CLASP2: variants seen among roughly 807,000 people sequenced by gnomAD.
The protein encoded by CLASP2 is CLIP-associating protein 2.
CLASP2 carries 47 observed loss-of-function variants against 194.4 expected under a neutral mutation model. That is an observed-to-expected ratio of 0.24 (90% CI 0.19 to 0.31). The LOEUF (loss-of-function observed/expected upper bound fraction) is 0.31. CLASP2 is among the 10% of genes least tolerant of loss of function. The pLI, the probability that CLASP2 is intolerant of heterozygous loss-of-function variation, is 1.00. For synonymous variants in CLASP2, 619 were observed against 633.5 expected, an observed-to-expected ratio of 0.98 and a Z score of 0.34; for missense variants, 1,445 against 1,823.6, an observed-to-expected ratio of 0.79 and a Z score of 3.78.
At chr3:33,542,809 T>C (rs2058588589) in intron 32 of CLASP2, among the ~76,000 whole-genome samples, 1 of 152,124 alleles carries the variant, frequency 6.6e-6, no homozygotes, top group Non-Finnish European at 1.5e-5. Flanking sequence ...TAGTATAATG[T>C]AATTGAAAGA....
At chr3:33,622,330 AAAG>A (rs752280033) in intron 10 of CLASP2, 50 bp from the exon 11 acceptor site, 11 of 1,381,234 alleles carry the variant, frequency 8.0e-6, no homozygotes, top group Non-Finnish European at 9.5e-6. Context: ...AGTGCAAAAA[AAAG>A]AAGCTACCTA....
chr3:33,717,261 G>T (rs1371410652), intron 1 of CLASP2, among the ~76,000 whole-genome samples: 1 of 151,848 alleles, frequency 6.6e-6, no homozygotes, highest in Non-Finnish European at 1.5e-5. Flanking sequence ...CAAAATAAGT[G>T]ATCAACATTG....
At chr3:33,570,668 T>C in intron 26 of CLASP2, 59 bp downstream of exon 26, 2 of 1,562,694 alleles carry the variant, frequency 1.3e-6, no homozygotes, top group South Asian at 2.4e-5. Context: ...GTTTTTCTGC[T>C]TTGACAATAT....
chr3:33,622,669 C>T (rs2077297159), intron 10 of CLASP2, among the ~76,000 whole-genome samples: 1 of 151,986 alleles, frequency 6.6e-6, no homozygotes. Flanking sequence ...CTATTTTAAC[C>T]ATTTTAAAGT....
At chr3:33,657,622 T>C (rs1211085988) in intron 7 of CLASP2, among the ~76,000 whole-genome samples, 6 of 151,722 alleles carry the variant, frequency 4.0e-5, no homozygotes, top group African/African-American at 1.5e-4. Context: ...AACTTGGCAA[T>C]GCCCTTAAGT....
intron 34 of CLASP2, among the ~76,000 whole-genome samples, chr3:33,531,602 C>T (rs1270890518): frequency 6.6e-6 from 1 of 152,104 alleles, no homozygotes; most frequent in Non-Finnish European, 1.5e-5. Flanking sequence ...ATGGACAAAC[C>T]CCGTCTCTAC....
chr3:33,516,844 C>T (rs1213243303), intron 35 of CLASP2, 137 bp downstream of exon 35: 2 of 739,938 alleles, frequency 2.7e-6, no homozygotes, highest in Non-Finnish European at 4.4e-6. Flanking sequence ...AAGTACTTCA[C>T]AGTGAAAAGT....
intron 12 of CLASP2, among the ~76,000 whole-genome samples, chr3:33,617,387 T>C (rs1366376420): frequency 2.0e-5 from 3 of 152,148 alleles, no homozygotes; most frequent in Non-Finnish European, 2.9e-5. Flanking sequence ...ACTGGCTCAA[T>C]TGGCTTTGTA....
intron 30 of CLASP2, among the ~76,000 whole-genome samples, chr3:33,549,312 A>C (rs1475772595): frequency 1.3e-5 from 2 of 152,134 alleles, no homozygotes; most frequent in African/African-American, 4.8e-5. Flanking sequence ...TATGGTGGTG[A>C]ATCGATTACT....
chr3:33,675,229 C>A (rs1184989266), intron 6 of CLASP2, among the ~76,000 whole-genome samples: 12 of 151,686 alleles, frequency 7.9e-5, no homozygotes, highest in African/African-American at 2.9e-4. Flanking sequence ...CATCAAAAAG[C>A]TTATCCACCA....
intron 34 of CLASP2, among the ~76,000 whole-genome samples, chr3:33,522,126 C>T (rs1000500009): frequency 1.3e-5 from 2 of 152,164 alleles, no homozygotes; most frequent in Non-Finnish European, 2.9e-5. Flanking sequence ...TGCACCTTTC[C>T]TCACTATTGC....
intron 23 of CLASP2, among the ~76,000 whole-genome samples, chr3:33,581,418 T>A (rs1362494236): frequency 6.6e-6 from 1 of 152,232 alleles, no homozygotes; most frequent in African/African-American, 2.4e-5. Flanking sequence ...CTAAGTTAAA[T>A]GATCTAAGCT....
At chr3:33,644,642 G>T in intron 8 of CLASP2, 115 bp downstream of exon 8, 1 of 1,109,484 alleles carries the variant, frequency 9.0e-7, no homozygotes, top group South Asian at 1.4e-5. Context: ...ACAGACTCCA[G>T]ATCTGCAATC....
At chr3:33,664,793 T>C (rs943739676) in intron 6 of CLASP2, among the ~76,000 whole-genome samples, 2 of 152,102 alleles carry the variant, frequency 1.3e-5, no homozygotes, top group African/African-American at 4.8e-5. Flanking sequence ...AGCATTGGAA[T>C]TGGAGGCTGG....
intron 34 of CLASP2, among the ~76,000 whole-genome samples, chr3:33,530,981 C>G: frequency 6.6e-6 from 1 of 152,128 alleles, no homozygotes; most frequent in East Asian, 1.9e-4. Flanking sequence ...AAAAATTATC[C>G]TAAAATTCAT....
Position 33,593,170 on chromosome 3 carries a change from C to A in CLASP2, c.1967-674G>T, listed in dbSNP as rs185077927. 2.8e-3 allele frequency among the ~76,000 whole-genome samples: 429 copies of A among 152,282 alleles called. 1 individual carries two copies. The highest frequency in any genetic ancestry group is 9.8e-3 in the African/African-American group (409 of 41,554). On this transcript the variant is annotated intron_variant, in intron 20 of 38. Coordinates refer to ENST00000682230, the MANE Select transcript of CLASP2 (RefSeq NM_001365631.1). The stretch of plus-strand genomic sequence containing the variant: ...TACCACTCTGCCTCATTCCCCTCCA[C>A]AAAACTAGGCCACAAACATCCTCAC...
intron 37 of CLASP2, 147 bp downstream of exon 37, chr3:33,510,411 G>C: frequency 1.4e-6 from 1 of 697,816 alleles, no homozygotes; most frequent in Non-Finnish European, 2.4e-6. Flanking sequence ...ATAACCCCCT[G>C]GCTAGTTATG....
chr3:33,665,137 T>G (rs1255704489), intron 6 of CLASP2, among the ~76,000 whole-genome samples: 2 of 150,698 alleles, frequency 1.3e-5, no homozygotes, highest in East Asian at 3.9e-4. Context: ...AGGAGAGGAT[T>G]TCGGAGAGCT....
chr3:33,516,864 A>C, intron 35 of CLASP2, 117 bp downstream of exon 35: 1 of 892,574 alleles, frequency 1.1e-6, no homozygotes, highest in Non-Finnish European at 1.7e-6. Flanking sequence ...TTCATGCAGA[A>C]AGCAGCAGCA....
Sources: gnomAD v4.1 joint callset for allele counts (sites outside exome capture counted in the v4.1 genomes callset) on GRCh38, gnomAD v4.1.1 for gene constraint, MANE v1.5 for transcripts, NCBI Gene and HGNC (gene_info 2026-07-23, HGNC 2026-07-21) for gene names.